INPP5F: variants seen among roughly 807,000 people sequenced by gnomAD.
INPP5F encodes phosphatidylinositide 4-phosphatase SAC2.
In INPP5F, 97 loss-of-function variants were observed where a neutral mutation model predicts 137.2. The ratio of observed to expected loss-of-function variants is 0.71; its 90% CI spans 0.60 to 0.84. The LOEUF (loss-of-function observed/expected upper bound fraction) is 0.84, where lower values mean the gene tolerates loss of function less well. Ranked by LOEUF, INPP5F falls within the 40% of genes least tolerant of loss-of-function variation. The probability of loss-of-function intolerance (pLI) is 0.00; values close to 1 mark genes in which losing one functional copy is unlikely to be tolerated. For synonymous variants in INPP5F, 504 were observed against 476.9 expected (o/e 1.06, Z -0.74); for missense variants, 1,271 against 1,371.9 (o/e 0.93, Z 1.16).
In INPP5F at chr10:119,787,715, T is replaced by C. The variant is rs1849973753; in HGVS notation, c.316-3802T>C. The stretch of plus-strand genomic sequence containing the variant: ...CCAAGCTTAGAGAATAAGCATTTTT[T>C]AAAGTAGATCAGACTGAAGCCAGAG... On this transcript the variant is annotated intron_variant, in intron 3 of 19. Coordinates refer to ENST00000650623, the MANE Select transcript of INPP5F (RefSeq NM_014937.4). The surrounding 1 kb of genome is among the most constrained non-coding windows in gnomAD (Gnocchi z 4.1). 6.6e-6 allele frequency among the ~76,000 whole-genome samples: 1 copy of C among 151,982 alleles called. No individual in the cohort carries two copies. The highest frequency in any genetic ancestry group is 2.1e-4 in the South Asian group (1 of 4,804).
Position 119,827,264 on chromosome 10 carries a change from C to T in INPP5F, c.2883C>T (p.His961=). The T allele has an allele frequency of 6.2e-7, 1 of 1,614,130 alleles. No individual in the cohort carries two copies. The highest frequency in any genetic ancestry group is 8.5e-7 in the Non-Finnish European group (1 of 1,180,024). ...GFAKPMDIYC[H]RFVQDAQNKV... ...CCAAGCCTATGGATATTTACTGCCA[C>T]AGATTTGTGCAAGATGCACAGAACA... is the stretch of plus-strand genomic sequence containing the variant. Residue 961 remains histidine (H), a synonymous_variant, in exon 20 of 20, where the codon CAC becomes CAT. Coordinates refer to ENST00000650623, the MANE Select transcript of INPP5F (RefSeq NM_014937.4).
Position 119,823,797 on chromosome 10 carries a change from GTT to G in INPP5F, c.2162-17_2162-16del, listed in dbSNP as rs906053668. On this transcript the variant is annotated splice_polypyrimidine_tract_variant and intron_variant, in intron 18 of 19. Transcript: ENST00000650623. ...ATGTTTATGGAGAAATTGGCAGGCA[GTT>G]ATATTTGGGTTGCAGATACCCTTCA... is the stretch of plus-strand genomic sequence containing the variant. 3 of 1,601,192 alleles carry G rather than the reference GTT, an allele frequency of 1.9e-6. No homozygotes were observed. In the African/African-American group the frequency reaches 4.0e-5, roughly 21 times the overall value.
intron 6 of INPP5F, 30 bp from the exon 7 acceptor site, chr10:119,796,685 G>A (rs1264849604): frequency 5.2e-6 from 8 of 1,548,348 alleles, no homozygotes; most frequent in Non-Finnish European, 7.1e-6. Flanking sequence ...GTACAGAATA[G>A]AAACGATATC....
At chr10:119,785,276 C>A (rs1425937456) in intron 3 of INPP5F, among the ~76,000 whole-genome samples, 1 of 122,124 alleles carries the variant, frequency 8.2e-6, no homozygotes, top group East Asian at 2.4e-4. Flanking sequence ...TTTTGTGGAA[C>A]TGCCAGACTG....
At chr10:119,753,280 A>C (rs1235448929) in intron 2 of INPP5F, among the ~76,000 whole-genome samples, 2 of 152,234 alleles carry the variant, frequency 1.3e-5, no homozygotes, top group Admixed American at 6.5e-5. Context: ...AAATCACTGC[A>C]ATCAGTTAGG....
At chr10:119,791,817 C>A in intron 4 of INPP5F, 52 bp from the exon 5 acceptor site, 1 of 1,459,966 alleles carries the variant, frequency 6.8e-7, no homozygotes, top group Non-Finnish European at 9.3e-7. Context: ...GTGTTATCCC[C>A]AGACTACTTT....
chr10:119,756,768 A>G (rs1848857424), intron 2 of INPP5F, among the ~76,000 whole-genome samples: 1 of 146,558 alleles, frequency 6.8e-6, no homozygotes, highest in Non-Finnish European at 1.5e-5. Context: ...TAATCCACAC[A>G]TTTCTTTTAA....
intron 1 of INPP5F, among the ~76,000 whole-genome samples, chr10:119,745,459 T>A (rs1271634761): frequency 6.6e-6 from 1 of 152,048 alleles, no homozygotes; most frequent in Non-Finnish European, 1.5e-5. Context: ...CTCCACCTCT[T>A]TTCAAATACT....
intron 2 of INPP5F, among the ~76,000 whole-genome samples, chr10:119,751,922 T>C (rs1377383611): frequency 6.6e-6 from 1 of 152,160 alleles, no homozygotes; most frequent in Non-Finnish European, 1.5e-5. Flanking sequence ...TGAGCCACCA[T>C]GCCTGGCCTA....
intron 6 of INPP5F, among the ~76,000 whole-genome samples, chr10:119,792,568 T>G (rs1041254972): frequency 3.8e-4 from 32 of 83,428 alleles, no homozygotes; most frequent in Admixed American, 5.4e-4. Flanking sequence ...ATGGTACCAG[T>G]TTTTTTTTTT....
At chr10:119,729,397 T>C (rs1017982998) in intron 1 of INPP5F, among the ~76,000 whole-genome samples, 2 of 152,090 alleles carry the variant, frequency 1.3e-5, no homozygotes, top group African/African-American at 2.4e-5. Flanking sequence ...TCTGCCCACC[T>C]CGGCCCCCCA....
intron 11 of INPP5F, 38 bp downstream of exon 11, chr10:119,805,499 G>A: frequency 5.0e-6 from 7 of 1,387,946 alleles, no homozygotes; most frequent in Non-Finnish European, 7.2e-6. Context: ...ACAGACTCTG[G>A]GATCTGTAAA....
intron 6 of INPP5F, among the ~76,000 whole-genome samples, chr10:119,794,737 GT>G (rs1373121815): frequency 0.032 from 2,662 of 83,340 alleles, 370 homozygotes; most frequent in Non-Finnish European, 0.041. Flanking sequence ...GGCTGGCCAG[GT>G]GGGGGGGCTG....
chr10:119,761,700 CT>C (rs1222951571), intron 2 of INPP5F, among the ~76,000 whole-genome samples: 1 of 151,334 alleles, frequency 6.6e-6, no homozygotes, highest in Admixed American at 6.6e-5. Flanking sequence ...ATAAAACCTA[CT>C]TTATAGACTC....
In INPP5F at chr10:119,796,831, C is replaced by A; in HGVS notation, c.786C>A (p.Pro262=). The A allele has an allele frequency of 6.2e-7, 1 of 1,613,654 alleles. No individual in the cohort carries two copies. ...SDDEKSSPET[P]PQESTCVDDI... The stretch of plus-strand genomic sequence containing the variant: ...ATGAGAAAAGCAGCCCAGAGACCCC[C>A]CCTCAGGAGTCCACCTGTGTAGATG... The change falls in exon 7 of 20, where the codon CCC becomes CCA. Residue 262 remains proline (P), a synonymous_variant. Coordinates refer to ENST00000650623, the MANE Select transcript of INPP5F (RefSeq NM_014937.4).
intron 2 of INPP5F, among the ~76,000 whole-genome samples, chr10:119,765,433 G>A (rs905345461): frequency 6.6e-6 from 1 of 151,856 alleles, no homozygotes; most frequent in Non-Finnish European, 1.5e-5. Context: ...GTGAAGTGGC[G>A]TGATCTCAGC....
chr10:119,784,170 AAG>A (rs1644076943), intron 3 of INPP5F, among the ~76,000 whole-genome samples: 1 of 152,232 alleles, frequency 6.6e-6, no homozygotes, highest in Non-Finnish European at 1.5e-5. Flanking sequence ...CTCAATTTAA[AAG>A]AGTTTTTAGA....
intron 13 of INPP5F, 34 bp from the exon 14 acceptor site, chr10:119,810,066 A>C: frequency 8.1e-7 from 1 of 1,240,794 alleles, no homozygotes; most frequent in South Asian, 1.2e-5. Flanking sequence ...TCTTGTGTTT[A>C]AATAAGATGT....
chr10:119,790,760 ATTTGC>A (rs1217754803), intron 3 of INPP5F, among the ~76,000 whole-genome samples: 3 of 152,210 alleles, frequency 2.0e-5, no homozygotes, highest in Non-Finnish European at 4.4e-5. Context: ...ATTTCAGAAT[ATTTGC>A]TTTGTTTGCT....
Sources: allele counts gnomAD v4.1 joint callset (sites outside exome capture counted in the v4.1 genomes callset), GRCh38; gene constraint gnomAD v4.1.1; non-coding constraint Gnocchi (gnomAD v3.1); transcripts MANE v1.5; gene names NCBI Gene and HGNC (gene_info 2026-07-23, HGNC 2026-07-21).